The following STAC variants were observed in gnomAD, a reference collection of about 807,000 sequenced individuals.
STAC encodes SH3 and cysteine-rich domain-containing protein.
STAC carries 43 observed loss-of-function variants against 48.8 expected under a neutral mutation model. The observed-to-expected ratio is 0.88, with a 90% confidence interval of 0.69 to 1.14. The LOEUF (loss-of-function observed/expected upper bound fraction) is 1.14. Ranked by LOEUF, STAC falls within the 50% of genes most tolerant of loss-of-function variation. The pLI, the probability that STAC is intolerant of heterozygous loss-of-function variation, is 0.00. For missense variants in STAC, 497 were observed against 504.0 expected (o/e 0.99, Z 0.13); for synonymous variants, 193 against 179.5 (o/e 1.07, Z -0.60).
At chr3:36,497,831 C>CT (rs1698185464) in intron 6 of STAC, among the ~76,000 whole-genome samples, 1 of 152,142 alleles carries the variant, frequency 6.6e-6, no homozygotes, top group Non-Finnish European at 1.5e-5. Context: ...TGAATTCATA[C>CT]TACCTGTATG....
At chr3:36,528,629 C>A in intron 8 of STAC, 67 bp from the exon 9 acceptor site, 1 of 1,283,170 alleles carries the variant, frequency 7.8e-7, no homozygotes, top group Non-Finnish European at 1.1e-6. Context: ...AATGATTACT[C>A]CTGACTTTAA....
intron 10 of STAC, among the ~76,000 whole-genome samples, chr3:36,538,037 G>T (rs1247299027): frequency 6.6e-6 from 1 of 151,750 alleles, no homozygotes; most frequent in Non-Finnish European, 1.5e-5. Context: ...TTTTTAAGAG[G>T]TATAAAAGAT....
chr3:36,471,786 C>T (rs1267059509), intron 2 of STAC, among the ~76,000 whole-genome samples: 1 of 152,116 alleles, frequency 6.6e-6, no homozygotes, highest in Non-Finnish European at 1.5e-5. Flanking sequence ...CAGCTCTGCC[C>T]CTGTGGGTAT....
At chr3:36,394,952 C>T (rs1018869889) in intron 1 of STAC, among the ~76,000 whole-genome samples, 1 of 150,806 alleles carries the variant, frequency 6.6e-6, no homozygotes, top group East Asian at 1.9e-4. Context: ...TGAATGTATA[C>T]TGTGAGGTGT....
chr3:36,517,015 CA>C (rs1698690798), intron 8 of STAC, among the ~76,000 whole-genome samples: 1 of 152,048 alleles, frequency 6.6e-6, no homozygotes, highest in Non-Finnish European at 1.5e-5. Context: ...ACTGGTCCAG[CA>C]AAAAGGGGCT....
At position 36,486,201 on chromosome 3, in the gene STAC, A is replaced by G. The variant is rs1697808394; in HGVS notation, c.639A>G (p.Thr213=). The G allele has an allele frequency of 6.2e-7, 1 of 1,613,994 alleles. No homozygotes were observed. The change falls in exon 5 of 11, where the codon ACA becomes ACG. Residue 213 remains threonine, a synonymous_variant. Coordinates refer to ENST00000273183, the MANE Select transcript of STAC (RefSeq NM_003149.3). Reference sequence around the variant, plus strand: ...TCGGCACCTCCCTGGCCCAGAGGACAAAGAAGGGCAGCTCCGGCAGTGGCT... The same window carrying G: ...TCGGCACCTCCCTGGCCCAGAGGACGAAGAAGGGCAGCTCCGGCAGTGGCT... ...LRFGTSLAQR[T]KKGSSGSGSD...
chr3:36,380,893 T>G (rs1028340626), intron 1 of STAC, 139 bp downstream of exon 1: 1 of 629,314 alleles, frequency 1.6e-6, no homozygotes, highest in African/African-American at 1.9e-5. Context: ...GACTTGAACG[T>G]CCGGTAGGAC....
chr3:36,494,355 G>T (rs1210742358), intron 6 of STAC, among the ~76,000 whole-genome samples: 1 of 152,164 alleles, frequency 6.6e-6, no homozygotes, highest in Non-Finnish European at 1.5e-5. Flanking sequence ...CAGGACCTGA[G>T]TTGCATTGTT....
intron 6 of STAC, among the ~76,000 whole-genome samples, chr3:36,502,261 A>C (rs1321013406): frequency 1.3e-5 from 2 of 152,178 alleles, no homozygotes; most frequent in Non-Finnish European, 2.9e-5. Flanking sequence ...TAAACGACCA[A>C]GTTATTTTTC....
chr3:36,432,409 C>G (rs1288984124), intron 1 of STAC, among the ~76,000 whole-genome samples: 1 of 152,164 alleles, frequency 6.6e-6, no homozygotes, highest in Non-Finnish European at 1.5e-5. Flanking sequence ...AGCCTTAAAA[C>G]TTTTGCTTTA....
intron 2 of STAC, among the ~76,000 whole-genome samples, chr3:36,445,180 A>G (rs1696473460): frequency 6.6e-6 from 1 of 152,212 alleles, no homozygotes; most frequent in Admixed American, 6.5e-5. Context: ...TGTCATAGTC[A>G]TTACCCTAAA....
At chr3:36,489,357 A>T (rs1318529826) in intron 5 of STAC, among the ~76,000 whole-genome samples, 1 of 152,192 alleles carries the variant, frequency 6.6e-6, no homozygotes, top group Non-Finnish European at 1.5e-5. Flanking sequence ...GGATCCGCAC[A>T]ACACTTCATT....
At chr3:36,510,495 G>A (rs1698509695) in intron 8 of STAC, among the ~76,000 whole-genome samples, 1 of 152,104 alleles carries the variant, frequency 6.6e-6, no homozygotes, top group South Asian at 2.1e-4. Flanking sequence ...CTACTATAAA[G>A]ACACATGTAC....
At chr3:36,427,183 T>C (rs1205619735) in intron 1 of STAC, among the ~76,000 whole-genome samples, 1 of 152,206 alleles carries the variant, frequency 6.6e-6, no homozygotes, top group Non-Finnish European at 1.5e-5. Context: ...TGTCCCACTC[T>C]GGATAAATGA....
intron 1 of STAC, among the ~76,000 whole-genome samples, chr3:36,398,912 G>A (rs552744905): frequency 6.6e-6 from 1 of 152,272 alleles, no homozygotes; most frequent in Non-Finnish European, 1.5e-5. Context: ...AGGTTCAGAA[G>A]CATATAATTC....
intron 5 of STAC, among the ~76,000 whole-genome samples, chr3:36,488,978 C>T (rs1036299725): frequency 6.6e-6 from 1 of 152,124 alleles, no homozygotes; most frequent in Non-Finnish European, 1.5e-5. Flanking sequence ...ACTCCCCAAG[C>T]CCTATAACAT....
intron 2 of STAC, among the ~76,000 whole-genome samples, chr3:36,457,044 C>T (rs1350706919): frequency 6.6e-6 from 1 of 152,220 alleles, no homozygotes; most frequent in African/African-American, 2.4e-5. Context: ...TACGATCATG[C>T]TGCCTAGTTT....
intron 1 of STAC, among the ~76,000 whole-genome samples, chr3:36,398,301 A>AAGAAAG (rs1699895970): frequency 9.2e-6 from 1 of 108,166 alleles, no homozygotes; most frequent in Non-Finnish European, 1.8e-5. Flanking sequence ...TTAAAAAAGA[A>AAGAAAG]AGAAAGAAAG....
chr3:36,398,320 C>CAAGAAAGCAAGAAAGAAAGAAAGAAAGA (rs1208055608), intron 1 of STAC, among the ~76,000 whole-genome samples: 7 of 82,168 alleles, frequency 8.5e-5, no homozygotes, highest in Non-Finnish European at 1.5e-4. Flanking sequence ...AGAAAGAAAG[C>CAAGAAAGCAAGAAAGAAAGAAAGAAAGA]AAGAAAGAAA....
Sources: allele counts gnomAD v4.1 joint callset (sites outside exome capture counted in the v4.1 genomes callset), GRCh38; gene constraint gnomAD v4.1.1; transcripts MANE v1.5; gene names NCBI Gene and HGNC (gene_info 2026-07-23, HGNC 2026-07-21).